NEBL: variants seen among roughly 807,000 people sequenced by gnomAD.
The protein encoded by NEBL is nebulette.
Under a neutral mutation model 140.2 loss-of-function variants are expected in NEBL, and 122 were observed. The observed-to-expected ratio is 0.87, with a 90% CI of 0.75 to 1.01. The LOEUF is 1.01. Ranked by LOEUF, NEBL falls within the 50% of genes least tolerant of loss-of-function variation. The pLI is 0.00. For synonymous variants in NEBL, 436 were observed against 398.9 expected (o/e 1.09, Z -1.11); for missense variants, 1,365 against 1,231.3 (o/e 1.11, Z -1.62).
chr10:21,159,356 G>A (rs1840461083), intron 2 of NEBL, among the ~76,000 whole-genome samples: 1 of 152,130 alleles, frequency 6.6e-6, no homozygotes, highest in African/African-American at 2.4e-5. Flanking sequence ...TCTTGAACAA[G>A]CACAGCCTTT....
At chr10:21,094,803 T>C (rs1224197841) in intron 2 of NEBL, among the ~76,000 whole-genome samples, 1 of 152,148 alleles carries the variant, frequency 6.6e-6, no homozygotes, top group Non-Finnish European at 1.5e-5. Flanking sequence ...CTTCTAAGTC[T>C]CACATTGTAA....
intron 2 of NEBL, among the ~76,000 whole-genome samples, chr10:21,123,724 AATAT>A (rs140888177): frequency 6.7e-6 from 1 of 148,822 alleles, no homozygotes; most frequent in Admixed American, 6.7e-5. Context: ...ATATCATCAG[AATAT>A]ATATATATAT....
At chr10:21,087,176 G>C (rs541575396) in intron 2 of NEBL, among the ~76,000 whole-genome samples, 6 of 152,086 alleles carry the variant, frequency 3.9e-5, no homozygotes, top group East Asian at 1.9e-4. Context: ...GAAAGTTACT[G>C]TCTCCTCCCC....
chr10:21,236,692 T>A (rs969494257), intron 3 of NEBL, among the ~76,000 whole-genome samples: 2 of 152,116 alleles, frequency 1.3e-5, no homozygotes, highest in Non-Finnish European at 2.9e-5. Flanking sequence ...GATTTCCCCA[T>A]GGCCTATCAA....
At chr10:21,053,657 T>C (rs1834877964) in intron 2 of NEBL, among the ~76,000 whole-genome samples, 1 of 152,186 alleles carries the variant, frequency 6.6e-6, no homozygotes, top group Admixed American at 6.5e-5. Flanking sequence ...GGCCTTAGCA[T>C]TTCATTTTTA....
intron 2 of NEBL, among the ~76,000 whole-genome samples, chr10:21,111,970 C>T: frequency 6.6e-6 from 1 of 152,170 alleles, no homozygotes; most frequent in East Asian, 1.9e-4. Context: ...ATTTATGCAG[C>T]CAACAGACAC....
chr10:20,960,089 C>A (rs1250981546), intron 4 of NEBL, among the ~76,000 whole-genome samples: 1 of 151,990 alleles, frequency 6.6e-6, no homozygotes, highest in Admixed American at 6.6e-5. Context: ...AAAGGCTTAC[C>A]TTTGATCAGC....
At chr10:20,913,617 T>C (rs1057218061) in intron 4 of NEBL, among the ~76,000 whole-genome samples, 3 of 152,194 alleles carry the variant, frequency 2.0e-5, no homozygotes, top group Admixed American at 2.0e-4. Context: ...AAATATCGTA[T>C]CAGGAATTGT....
intron 2 of NEBL, among the ~76,000 whole-genome samples, chr10:21,092,573 T>C (rs1424810372): frequency 7.1e-6 from 1 of 140,748 alleles, no homozygotes; most frequent in Non-Finnish European, 1.5e-5. Context: ...GGACTTCTTT[T>C]TACCTCTATA....
intron 3 of NEBL, among the ~76,000 whole-genome samples, chr10:21,213,448 T>A (rs1310301378): frequency 6.6e-6 from 1 of 152,144 alleles, no homozygotes; most frequent in Non-Finnish European, 1.5e-5. Flanking sequence ...TAAAGAACAG[T>A]GTCTATAAAA....
At chr10:20,795,716 T>C (rs919634556) in intron 26 of NEBL, among the ~76,000 whole-genome samples, 1 of 152,198 alleles carries the variant, frequency 6.6e-6, no homozygotes, top group Non-Finnish European at 1.5e-5. Flanking sequence ...TTCAACCACA[T>C]TCCCACTGAG....
chr10:20,999,368 G>A (rs1837796420), intron 3 of NEBL, among the ~76,000 whole-genome samples: 1 of 152,152 alleles, frequency 6.6e-6, no homozygotes, highest in Non-Finnish European at 1.5e-5. Context: ...AGGGTAAGGT[G>A]GGAGGGTTGC....
chr10:21,185,303 C>G (rs2132210018), intron 3 of NEBL, among the ~76,000 whole-genome samples: 1 of 152,206 alleles, frequency 6.6e-6, no homozygotes, highest in South Asian at 2.1e-4. Flanking sequence ...TTCCCAGAGA[C>G]TGCAGAGACC....
chr10:21,061,125 G>A (rs1305631158), intron 2 of NEBL, among the ~76,000 whole-genome samples: 4 of 151,644 alleles, frequency 2.6e-5, no homozygotes, highest in Non-Finnish European at 5.9e-5. Flanking sequence ...TCATAAAAAG[G>A]GGAGCATGTC....
At chr10:21,105,582 A>G (rs769350419) in intron 2 of NEBL, among the ~76,000 whole-genome samples, 4 of 152,134 alleles carry the variant, frequency 2.6e-5, no homozygotes, top group Admixed American at 6.5e-5. Context: ...AATCCAGTCT[A>G]TCATTGATGG....
chr10:20,843,032 C>T (rs1205356026), intron 12 of NEBL, among the ~76,000 whole-genome samples: 2 of 152,036 alleles, frequency 1.3e-5, no homozygotes, highest in Non-Finnish European at 2.9e-5. Flanking sequence ...TTCTGTCCCA[C>T]CAAAACCCGT....
intron 4 of NEBL, among the ~76,000 whole-genome samples, chr10:20,937,827 G>A (rs188457806): frequency 1.3e-5 from 2 of 152,210 alleles, no homozygotes; most frequent in African/African-American, 4.8e-5. Flanking sequence ...TACACCCATG[G>A]AGCCTCGCTC....
At chr10:20,873,817 T>C (rs944262876) in intron 5 of NEBL, among the ~76,000 whole-genome samples, 2 of 152,196 alleles carry the variant, frequency 1.3e-5, no homozygotes, top group Non-Finnish European at 2.9e-5. Flanking sequence ...ATCTATAAAA[T>C]GCCTTAAAGA....
intron 19 of NEBL, 76 bp from the exon 20 acceptor site, chr10:20,819,592 T>A (rs1489330145): frequency 6.5e-6 from 10 of 1,527,194 alleles, no homozygotes; most frequent in Non-Finnish European, 9.1e-6. Flanking sequence ...AGATTTTTTT[T>A]AAATGTCACA....
Sources: allele counts gnomAD v4.1 joint callset (sites outside exome capture counted in the v4.1 genomes callset), GRCh38; gene constraint gnomAD v4.1.1; transcripts MANE v1.5; gene names NCBI Gene and HGNC (gene_info 2026-07-23, HGNC 2026-07-21).